Variants in RNF128 observed in about 807,000 individuals in gnomAD.
The protein encoded by RNF128 is ring finger protein 128.
In RNF128, 13 loss-of-function variants were observed where a neutral mutation model predicts 26.2. The observed-to-expected ratio is 0.50, with a 90% CI of 0.32 to 0.79. RNF128 has a LOEUF of 0.79. Among genes scored for constraint, RNF128 ranks in the 30% least tolerant of loss-of-function variants. RNF128 has a pLI of 0.03. For missense variants in RNF128, 315 were observed against 349.7 expected (o/e 0.90, Z 0.79); for synonymous variants, 149 against 142.5 (o/e 1.05, Z -0.32).
At chrX:106,781,529 A>G (rs16986564) in intron 2 of RNF128, among the ~76,000 whole-genome samples, 8,431 of 110,890 alleles carry the variant, frequency 0.076, 797 homozygotes, top group African/African-American at 0.26. Flanking sequence ...AACTCTTGCT[A>G]TCAGTGTCAC....
intron 1 of RNF128, among the ~76,000 whole-genome samples, chrX:106,699,972 A>C (rs1337053550): frequency 9.0e-6 from 1 of 110,619 alleles, no homozygotes; most frequent in African/African-American, 3.3e-5. Context: ...TTCTTGTTAA[A>C]ATTTATTTTA....
chrX:106,779,348 C>CGT (rs372716238), intron 2 of RNF128, among the ~76,000 whole-genome samples: 23,012 of 89,831 alleles, frequency 0.26, 2,611 homozygotes, highest in African/African-American at 0.33. Flanking sequence ...TACACAGTTA[C>CGT]GTGTGTGTGT....
chrX:106,777,849 AGTCCCAG>A, intron 2 of RNF128, among the ~76,000 whole-genome samples: 1 of 111,140 alleles, frequency 9.0e-6, no homozygotes, highest in South Asian at 3.9e-4. Context: ...ATGTGCCTGT[AGTCCCAG>A]CTACTTGGGA....
intron 1 of RNF128, among the ~76,000 whole-genome samples, chrX:106,748,094 A>G (rs1929819274): frequency 8.9e-6 from 1 of 112,307 alleles, no homozygotes. Flanking sequence ...CGTTTTAATC[A>G]ACTGAGCTAT....
intron 1 of RNF128, among the ~76,000 whole-genome samples, chrX:106,750,757 G>A (rs1001003090): frequency 5.4e-5 from 6 of 111,220 alleles, no homozygotes; most frequent in Non-Finnish European, 1.1e-4. Context: ...AGAGAGAGAG[G>A]AGAGATGCTG....
chrX:106,727,223 G>A lies in RNF128; in HGVS notation c.310G>A (p.Val104Met), dbSNP rs1929418939. The A allele has an allele frequency of 8.3e-7, 1 of 1,210,126 alleles. No homozygotes were observed. The highest frequency in any genetic ancestry group is 2.2e-5 in the Admixed American group (1 of 45,914). ...NACNPHTNFT[V>M]PTVWGSTVQV... The stretch of plus-strand genomic sequence containing the variant: ...CTGTAACCCGCACACGAATTTCACG[G>A]TGCCCACGGTTTGGGGAAGCACCGT... The change falls in exon 1 of 7, where the codon GTG (valine) becomes ATG (methionine). Residue 104 changes from valine to methionine, a missense_variant. By Grantham distance (21) the Val-to-Met change is conservative. Coordinates refer to ENST00000255499, the MANE Select transcript of RNF128 (RefSeq NM_194463.2).
intron 1 of RNF128, among the ~76,000 whole-genome samples, chrX:106,714,451 T>A (rs1250133126): frequency 9.0e-6 from 1 of 111,659 alleles, no homozygotes; most frequent in Non-Finnish European, 1.9e-5. Context: ...TGTGTACCCT[T>A]CATCCCTTTA....
chrX:106,713,143 A>G (rs865942212), intron 1 of RNF128, among the ~76,000 whole-genome samples: 3 of 107,142 alleles, frequency 2.8e-5, no homozygotes, highest in Admixed American at 9.9e-5. Context: ...CGCCTTGGGC[A>G]CCCAAAGTGC....
intron 1 of RNF128, among the ~76,000 whole-genome samples, chrX:106,716,701 G>A (rs967004958): frequency 9.0e-6 from 1 of 110,806 alleles, no homozygotes; most frequent in Admixed American, 9.7e-5. Flanking sequence ...CAAGTGATGT[G>A]CCAGAGCAAG....
At chrX:106,784,462 C>T (rs368142694) in intron 2 of RNF128, among the ~76,000 whole-genome samples, 104 of 111,761 alleles carry the variant, frequency 9.3e-4, no homozygotes, top group African/African-American at 3.0e-3. Context: ...CAATAAAAGG[C>T]GACCACTCTC....
chrX:106,795,884 CT>C lies in RNF128; in HGVS notation c.*177del, dbSNP rs1044082173. 3.0e-6 allele frequency: 1 copy of C among 330,734 alleles called. No homozygotes were observed. The highest frequency in any genetic ancestry group is 5.0e-6 in the Non-Finnish European group (1 of 200,071). The allele number at this position is 330,734 out of a possible 1,213,427, so 27.3% of individuals were successfully genotyped here. On this transcript the variant is annotated 3_prime_UTR_variant, in exon 7 of 7. Coordinates refer to ENST00000255499, the MANE Select transcript of RNF128 (RefSeq NM_194463.2). Reference sequence around the variant, plus strand: ...TGGCTTAAAATATTTAACCTGTTAACTTTTTTCCACAAACTCATTATAATAT... The same window carrying C: ...TGGCTTAAAATATTTAACCTGTTAACTTTTTCCACAAACTCATTATAATAT...
At chrX:106,766,223 A>G (rs947850443) in intron 1 of RNF128, among the ~76,000 whole-genome samples, 3 of 111,998 alleles carry the variant, frequency 2.7e-5, no homozygotes, top group Middle Eastern at 4.2e-3. Flanking sequence ...TCCTTTGGGT[A>G]TATGCCCAGT....
chrX:106,785,769 C>T (rs1488882785), intron 3 of RNF128, among the ~76,000 whole-genome samples: 10 of 112,219 alleles, frequency 8.9e-5, no homozygotes, highest in African/African-American at 1.6e-4. Flanking sequence ...TGGTTGAATA[C>T]GCATTTTCAG....
intron 1 of RNF128, among the ~76,000 whole-genome samples, chrX:106,710,776 A>T (rs1314034608): frequency 2.9e-5 from 3 of 103,032 alleles, no homozygotes; most frequent in Admixed American, 2.1e-4. Flanking sequence ...AAAAAAGCTG[A>T]TCTGGGTGCC....
intron 1 of RNF128, among the ~76,000 whole-genome samples, chrX:106,759,483 C>T (rs1428424759): frequency 9.0e-6 from 1 of 111,536 alleles, no homozygotes; most frequent in Admixed American, 9.5e-5. Context: ...GTCTACACCC[C>T]CGTGTTTATT....
At chrX:106,717,212 A>G (rs978023852) in intron 1 of RNF128, among the ~76,000 whole-genome samples, 14 of 111,089 alleles carry the variant, frequency 1.3e-4, no homozygotes, top group Non-Finnish European at 2.6e-4. Flanking sequence ...CAAAAAAAAA[A>G]AAAGAAAGAA....
rs1974745901 is a variant in RNF128 at position 106,743,200 on chromosome X, A to G, written c.484+15803A>G. Among the ~76,000 whole-genome samples, 3 of 112,323 alleles carry G rather than the reference A, an allele frequency of 2.7e-5. No individual in the cohort carries two copies. In the South Asian group the frequency reaches 1.1e-3, roughly 41 times the overall value. Reference sequence around the variant, plus strand: ...GCCTGTCATTTCAGGAAAACAAATGACAATATTTGTTGCCAATGATAAGAT... The same window carrying G: ...GCCTGTCATTTCAGGAAAACAAATGGCAATATTTGTTGCCAATGATAAGAT... On this transcript the variant is annotated intron_variant, in intron 1 of 6. Transcript: ENST00000255499.
At chrX:106,763,466 G>T (rs1930153433) in intron 1 of RNF128, among the ~76,000 whole-genome samples, 1 of 112,289 alleles carries the variant, frequency 8.9e-6, no homozygotes, top group African/African-American at 3.2e-5. Context: ...GTATCAAAAT[G>T]CTTAGAAATA....
chrX:106,749,276 G>A (rs1198864999), intron 1 of RNF128, among the ~76,000 whole-genome samples: 18 of 112,081 alleles, frequency 1.6e-4, no homozygotes, highest in Non-Finnish European at 3.4e-4. Flanking sequence ...ACATCTGAAT[G>A]TTTTGTGGTC....
Sources: allele counts gnomAD v4.1 joint callset (sites outside exome capture counted in the v4.1 genomes callset), GRCh38; gene constraint gnomAD v4.1.1; transcripts MANE v1.5; gene names NCBI Gene and HGNC (gene_info 2026-07-23, HGNC 2026-07-21).